Variants in NTMT1 observed in about 807,000 individuals in gnomAD.
NTMT1 encodes the protein N-terminal RCC1 methyltransferase.
NTMT1 carries 8 observed loss-of-function variants against 17.5 expected under a neutral mutation model. The ratio of observed to expected loss-of-function variants is 0.46; its 90% CI spans 0.27 to 0.82. The LOEUF is 0.82. NTMT1 is among the 40% of genes least tolerant of loss of function. NTMT1 has a pLI of 0.15. For synonymous variants in NTMT1, 128 were observed against 126.8 expected (o/e 1.01, Z -0.06); for missense variants, 221 against 303.5 (o/e 0.73, Z 2.02).
intron 1 of NTMT1, among the ~76,000 whole-genome samples, chr9:129,632,369 G>T (rs2417143): frequency 0.98 from 148,853 of 152,330 alleles, 72,740 homozygotes; most frequent in Middle Eastern, 0.99. Context: ...TCTTGAGCTC[G>T]GGAGTTGGAG....
chr9:129,613,378 G>A lies in NTMT1; in HGVS notation c.-55+4200G>A. The A allele has an allele frequency of 3.8e-6, 6 of 1,596,634 alleles. No homozygotes were observed. Among genetic ancestry groups the A allele is most frequent in the Non-Finnish European group, 5.1e-6 (6 of 1,169,204 alleles). ...CTGGGTGGGGAGGTCTGTAGGCAAG[G>A]GGGGTGGAGGGCCCTGGCAATGTCC... On this transcript the variant is annotated intron_variant, in intron 1 of 3. Transcript: ENST00000372486. This position sits in a 1 kb window ranked among gnomAD's most constrained non-coding sequence, Gnocchi z 6.2.
intron 1 of NTMT1, among the ~76,000 whole-genome samples, chr9:129,611,596 G>T (rs777621957): frequency 2.6e-5 from 4 of 151,094 alleles, no homozygotes; most frequent in Non-Finnish European, 5.9e-5. Context: ...CTCCATTGTG[G>T]ATGTCAGATG....
chr9:129,633,414 G>A (rs759152088), intron 2 of NTMT1: 4 of 186,530 alleles, frequency 2.1e-5, no homozygotes, highest in Middle Eastern at 2.1e-3. Context: ...CTGTTGCCCC[G>A]CTTCCATTCT....
At position 129,612,962 on chromosome 9, in the gene NTMT1, C is replaced by T. The variant is rs934803187; in HGVS notation, c.-55+3784C>T. On this transcript the variant is annotated intron_variant, in intron 1 of 3. Transcript: ENST00000372486. Reference sequence around the variant, plus strand: ...GGAGATGCAGGAACACAGGGCGTGGCCACTGCAAGCCCCCACGGTGACTTG... The same window carrying T: ...GGAGATGCAGGAACACAGGGCGTGGTCACTGCAAGCCCCCACGGTGACTTG... The T allele has an allele frequency of 4.0e-6, 4 of 998,944 alleles. No individual in the cohort carries two copies. The African/African-American group carries it at 4.9e-5, about 12-fold the overall frequency. 61.9% of individuals were successfully genotyped at this position (998,944 alleles called of 1,614,324 possible). A position where few individuals can be genotyped will look rare whatever the true frequency, so the allele number is the denominator to read the frequency against.
At chr9:129,610,552 G>A (rs1274382118) in intron 1 of NTMT1, among the ~76,000 whole-genome samples, 1 of 152,006 alleles carries the variant, frequency 6.6e-6, no homozygotes, top group Non-Finnish European at 1.5e-5. Flanking sequence ...GTGCCAGGAG[G>A]TCGCGCGGCC....
intron 1 of NTMT1, among the ~76,000 whole-genome samples, chr9:129,626,696 C>T (rs890509117): frequency 2.6e-5 from 4 of 152,208 alleles, no homozygotes; most frequent in Non-Finnish European, 5.9e-5. Context: ...CAGAGCCTGG[C>T]ACAGTTAAGT....
chr9:129,630,791 C>T (rs892325036), intron 1 of NTMT1, among the ~76,000 whole-genome samples: 20 of 152,214 alleles, frequency 1.3e-4, no homozygotes, highest in South Asian at 8.3e-4. Context: ...CAGTCAGCTG[C>T]GCGTTTTCCA....
intron 1 of NTMT1, among the ~76,000 whole-genome samples, chr9:129,631,089 G>A (rs1044764500): frequency 2.0e-5 from 3 of 152,108 alleles, no homozygotes; most frequent in South Asian, 2.1e-4. Context: ...GCTGTCCCAC[G>A]GCTGCTCCCT....
chr9:129,624,399 C>T (rs943727140), upstream of NTMT1, among the ~76,000 whole-genome samples: 8 of 152,202 alleles, frequency 5.3e-5, no homozygotes, highest in African/African-American at 1.9e-4. Context: ...TGCTTAAAGA[C>T]ACAGAAAATG....
chr9:129,631,192 G>A (rs1831147833), intron 1 of NTMT1, among the ~76,000 whole-genome samples: 1 of 152,250 alleles, frequency 6.6e-6, no homozygotes, highest in Non-Finnish European at 1.5e-5. Flanking sequence ...CTGTTGGGAG[G>A]AGATTCCTCT....
intron 3 of NTMT1, 22 bp from the exon 4 acceptor site, chr9:129,635,186 A>G: frequency 1.3e-6 from 2 of 1,596,972 alleles, no homozygotes; most frequent in Middle Eastern, 1.7e-4. Flanking sequence ...TGCCCTGGTA[A>G]CCTTGCCTCT....
chr9:129,610,717 G>T (rs1037005176), intron 1 of NTMT1, among the ~76,000 whole-genome samples: 1 of 152,070 alleles, frequency 6.6e-6, no homozygotes, highest in Non-Finnish European at 1.5e-5. Flanking sequence ...CCCCCGCGTG[G>T]GCGCGCCGCG....
intron 1 of NTMT1, among the ~76,000 whole-genome samples, chr9:129,609,736 C>T (rs1307705416): frequency 6.6e-6 from 1 of 152,124 alleles, no homozygotes; most frequent in Non-Finnish European, 1.5e-5. Flanking sequence ...GCTCCCTCTT[C>T]CTCATCCCCT....
chr9:129,631,780 C>G (rs1270987322), intron 1 of NTMT1, among the ~76,000 whole-genome samples: 1 of 152,248 alleles, frequency 6.6e-6, no homozygotes. Flanking sequence ...GCTTACGCGT[C>G]CCCTCCTCAG....
upstream of NTMT1, among the ~76,000 whole-genome samples, chr9:129,622,492 C>G (rs958199296): frequency 6.6e-6 from 1 of 151,870 alleles, no homozygotes; most frequent in South Asian, 2.1e-4. Flanking sequence ...GACTCCATCT[C>G]AAAAATAATA....
intron 1 of NTMT1, among the ~76,000 whole-genome samples, chr9:129,610,487 G>A (rs1355530413): frequency 6.6e-6 from 1 of 151,984 alleles, no homozygotes; most frequent in Non-Finnish European, 1.5e-5. Flanking sequence ...AAGTTGGGGG[G>A]CGGGGGCGGC....
chr9:129,633,441 C>G (rs539645094), intron 2 of NTMT1: 2 of 170,328 alleles, frequency 1.2e-5, no homozygotes, highest in African/African-American at 4.7e-5. Flanking sequence ...TCCTCTCTGC[C>G]GTTGTTTACC....
At chr9:129,629,889 C>T (rs12115265) in intron 1 of NTMT1, among the ~76,000 whole-genome samples, 6,415 of 152,140 alleles carry the variant, frequency 0.042, 173 homozygotes, top group South Asian at 0.093. Flanking sequence ...GGCTTGAGCC[C>T]AGGAGTTTGG....
At chr9:129,612,737 G>T (rs545976897) in intron 1 of NTMT1, among the ~76,000 whole-genome samples, 1 of 152,200 alleles carries the variant, frequency 6.6e-6, no homozygotes, top group East Asian at 1.9e-4. Context: ...AATTAGCTGG[G>T]TGTGGTGGTG....
Sources: gnomAD v4.1 joint callset for allele counts (sites outside exome capture counted in the v4.1 genomes callset) on GRCh38, gnomAD v4.1.1 for gene constraint, Gnocchi (gnomAD v3.1) non-coding constraint, MANE v1.5 for transcripts, NCBI Gene and HGNC (gene_info 2026-07-23, HGNC 2026-07-21) for gene names.